CUEDC1: variants seen among roughly 807,000 people sequenced by gnomAD.
CUEDC1 encodes CUE domain containing 1.
CUEDC1 carries 30 observed loss-of-function variants against 43.7 expected under a neutral mutation model. That is an observed-to-expected ratio of 0.69 (90% CI 0.51 to 0.93). CUEDC1 has a LOEUF of 0.93. CUEDC1 is among the 40% of genes least tolerant of loss of function. The probability of loss-of-function intolerance (pLI) is 0.00; values close to 1 mark genes in which losing one functional copy is unlikely to be tolerated. For synonymous variants in CUEDC1, 223 were observed against 223.6 expected, an observed-to-expected ratio of 1.00 and a Z score of 0.02; for missense variants, 486 against 549.0, an observed-to-expected ratio of 0.89 and a Z score of 1.15.
rs1259605685 is a variant in CUEDC1 at position 57,954,958 on chromosome 17, GC to G, written c.-316+266del. Among the ~76,000 whole-genome samples the G allele has an allele frequency of 2.0e-5, 3 of 151,544 alleles. No homozygotes were observed. Among genetic ancestry groups the G allele is most frequent in the East Asian group, 3.9e-4 (2 of 5,150 alleles). On this transcript the variant is annotated intron_variant, in intron 1 of 10. Transcript: ENST00000577830. This position sits in a 1 kb window ranked among gnomAD's most constrained non-coding sequence, Gnocchi z 4.3. ...CTCCCGGCCCCCCAGATGCCCGCAC[GC>G]CCCCCGCGCCCGGGGCCCGGGATGA... is the stretch of plus-strand genomic sequence containing the variant.
intron 5 of CUEDC1, among the ~76,000 whole-genome samples, chr17:57,871,733 G>A (rs1391324844): frequency 6.6e-6 from 1 of 152,172 alleles, no homozygotes; most frequent in African/African-American, 2.4e-5. Context: ...AGACCAGCCT[G>A]GCCAACATGG....
At chr17:57,924,886 G>A (rs559793669) in intron 1 of CUEDC1, among the ~76,000 whole-genome samples, 3 of 152,218 alleles carry the variant, frequency 2.0e-5, no homozygotes, top group East Asian at 3.9e-4. Context: ...TGACTTTCAC[G>A]CTCCATAAAG....
chr17:57,940,771 T>C (rs2143205741), intron 1 of CUEDC1, among the ~76,000 whole-genome samples: 1 of 152,324 alleles, frequency 6.6e-6, no homozygotes, highest in South Asian at 2.1e-4. Flanking sequence ...GTCATGGGTA[T>C]AATCAAGGGC....
At chr17:57,925,505 G>A (rs2074738333) in intron 1 of CUEDC1, among the ~76,000 whole-genome samples, 1 of 148,438 alleles carries the variant, frequency 6.7e-6, no homozygotes. Context: ...GTGCTCTAAA[G>A]AAGTTTGGCA....
At chr17:57,874,653 G>C (rs2074086743) in intron 3 of CUEDC1, among the ~76,000 whole-genome samples, 1 of 152,214 alleles carries the variant, frequency 6.6e-6, no homozygotes, top group African/African-American at 2.4e-5. Flanking sequence ...CGCAGGACAC[G>C]TGTTCCGCTG....
At chr17:57,887,655 C>CTTTTTTTTTTTTTTTTT (rs3085786) in intron 1 of CUEDC1, among the ~76,000 whole-genome samples, 14 of 58,032 alleles carry the variant, frequency 2.4e-4, no homozygotes, top group Non-Finnish European at 3.8e-4. Flanking sequence ...CCACGCCTGG[C>CTTTTTTTTTTTTTTTTT]TTTTTTTTTT....
chr17:57,883,056 T>C lies in CUEDC1; in HGVS notation c.336+2173A>G, dbSNP rs189301978. ...GACACACACATACATACGCATACTC[T>C]CACTCTCTCTCTCTCCTTCTTTCTA... On this transcript the variant is annotated intron_variant, in intron 2 of 10. Transcript: ENST00000577830. Among the ~76,000 whole-genome samples, 75 of 152,244 alleles carry C rather than the reference T, an allele frequency of 4.9e-4. No individual in the cohort carries two copies. The East Asian group carries it at 0.013, about 27-fold the overall frequency.
chr17:57,888,580 ACCCCAACAC>A (rs1369525755), intron 1 of CUEDC1, among the ~76,000 whole-genome samples: 1 of 152,152 alleles, frequency 6.6e-6, no homozygotes, highest in African/African-American at 2.4e-5. Flanking sequence ...GGCTTTAGAC[ACCCCAACAC>A]CCCTACACCC....
chr17:57,917,678 G>C (rs182391082), intron 1 of CUEDC1, among the ~76,000 whole-genome samples: 1 of 152,212 alleles, frequency 6.6e-6, no homozygotes, highest in Non-Finnish European at 1.5e-5. Context: ...GTCACACAGC[G>C]AGTAAGTGGC....
At position 57,925,122 on chromosome 17, in the gene CUEDC1, A is replaced by G. The variant is rs1331096189; in HGVS notation, c.-316+30103T>C. ...GTTTTTAAAACTTGTGCACATTAAAAAAAAAAAAAAGAACAGAGGGAAATA... is the reference window on the plus strand; with the variant it reads ...GTTTTTAAAACTTGTGCACATTAAAGAAAAAAAAAAGAACAGAGGGAAATA... On this transcript the variant is annotated intron_variant, in intron 1 of 10. Coordinates refer to ENST00000577830, the MANE Select transcript of CUEDC1 (RefSeq NM_001271875.2). Among the ~76,000 whole-genome samples the G allele has an allele frequency of 2.0e-5, 3 of 152,106 alleles. No individual in the cohort carries two copies. The East Asian group carries it at 5.8e-4, about 29-fold the overall frequency.
At chr17:57,935,408 C>CACACACACACACAA (rs2143178385) in intron 1 of CUEDC1, among the ~76,000 whole-genome samples, 1 of 149,126 alleles carries the variant, frequency 6.7e-6, no homozygotes, top group East Asian at 2.0e-4. Flanking sequence ...CACACACAAA[C>CACACACACACACAA]ACACACACAC....
At chr17:57,891,068 A>G (rs1012732319) in intron 1 of CUEDC1, among the ~76,000 whole-genome samples, 2 of 152,142 alleles carry the variant, frequency 1.3e-5, no homozygotes, top group African/African-American at 4.8e-5. Flanking sequence ...TCCCTGAGCA[A>G]TCTCATCCAG....
At chr17:57,868,552 C>T in intron 7 of CUEDC1, 1 of 416,560 alleles carries the variant, frequency 2.4e-6, no homozygotes, top group Non-Finnish European at 4.4e-6. Context: ...CACTGCAACG[C>T]ATCTTGGCTC....
chr17:57,952,912 T>C (rs2075021506), intron 1 of CUEDC1, among the ~76,000 whole-genome samples: 1 of 150,522 alleles, frequency 6.6e-6, no homozygotes, highest in Admixed American at 6.6e-5. Context: ...CACAAACACC[T>C]ATGCAGCAGC....
chr17:57,954,648 C>T lies in CUEDC1; in HGVS notation c.-316+577G>A, dbSNP rs1296629891. Among the ~76,000 whole-genome samples the T allele has an allele frequency of 6.6e-6, 1 of 152,062 alleles. No homozygotes were observed. Among genetic ancestry groups the T allele is most frequent in the Admixed American group, 6.5e-5 (1 of 15,278 alleles). On this transcript the variant is annotated intron_variant, in intron 1 of 10. Transcript: ENST00000577830. The surrounding 1 kb of genome is among the most constrained non-coding windows in gnomAD (Gnocchi z 4.3). Reference sequence around the variant, plus strand: ...GCCGAGCTGACGGGAGATACAGCTCCCAGGGGACCGGGAGGGACCAAAAAA... The same window carrying T: ...GCCGAGCTGACGGGAGATACAGCTCTCAGGGGACCGGGAGGGACCAAAAAA...
chr17:57,861,314 CA>C lies in CUEDC1; in HGVS notation c.*1974del, dbSNP rs2073867571. The C allele has an allele frequency of 6.6e-6, 1 of 152,272 alleles. No individual in the cohort carries two copies. The highest frequency in any genetic ancestry group is 1.9e-4 in the East Asian group (1 of 5,194). 9.4% of individuals were successfully genotyped at this position (152,272 alleles called of 1,614,324 possible). A position where few individuals can be genotyped will look rare whatever the true frequency, so the allele number is the denominator to read the frequency against. On this transcript the variant is annotated 3_prime_UTR_variant, in exon 11 of 11. Coordinates refer to ENST00000577830, the MANE Select transcript of CUEDC1 (RefSeq NM_001271875.2). ...GCTTTCTCAACAGACTGGCTTTCCC[CA>C]TGGTGTTTCCCTTGCCTGATACAGC...
chr17:57,890,980 G>C (rs1290294935), intron 1 of CUEDC1, among the ~76,000 whole-genome samples: 1 of 152,206 alleles, frequency 6.6e-6, no homozygotes, highest in Non-Finnish European at 1.5e-5. Flanking sequence ...TGGGTACCTG[G>C]CGTATAATAA....
rs144767833 is a variant in CUEDC1, at chr17:57,893,303, G to T, written c.-315-7424C>A. ...AGAGCTGAAGAGGCCCCAAAAGGGG[G>T]TGAAAGGAAGGGAAGAGGAGAGCAA... is the stretch of plus-strand genomic sequence containing the variant. On this transcript the variant is annotated intron_variant, in intron 1 of 10. Coordinates refer to ENST00000577830, the MANE Select transcript of CUEDC1 (RefSeq NM_001271875.2). 7.9e-5 allele frequency among the ~76,000 whole-genome samples: 12 copies of T among 151,708 alleles called. No individual in the cohort carries two copies. In the East Asian group the frequency reaches 2.1e-3, roughly 27 times the overall value.
At chr17:57,934,261 A>C (rs1012749222) in intron 1 of CUEDC1, among the ~76,000 whole-genome samples, 1 of 152,100 alleles carries the variant, frequency 6.6e-6, no homozygotes, top group African/African-American at 2.4e-5. Flanking sequence ...GCGTGGTGAC[A>C]CGTGCCTATA....
Sources: gnomAD v4.1 joint callset for allele counts (sites outside exome capture counted in the v4.1 genomes callset) on GRCh38, gnomAD v4.1.1 for gene constraint, Gnocchi (gnomAD v3.1) non-coding constraint, MANE v1.5 for transcripts, NCBI Gene and HGNC (gene_info 2026-07-23, HGNC 2026-07-21) for gene names.